Variants in PACS1 observed in about 807,000 individuals in gnomAD.
The protein encoded by PACS1 is phosphofurin acidic cluster sorting protein 1.
Under a neutral mutation model 115.0 loss-of-function variants are expected in PACS1, and 24 were observed. The observed-to-expected ratio is 0.21, with a 90% CI of 0.15 to 0.29. PACS1 has a LOEUF of 0.29. Ranked by LOEUF, PACS1 falls within the 10% of genes least tolerant of loss-of-function variation. The probability of loss-of-function intolerance (pLI) is 1.00; values close to 1 mark genes in which losing one functional copy is unlikely to be tolerated. For missense variants in PACS1, 838 were observed against 1,251.2 expected (o/e 0.67, Z 4.98); for synonymous variants, 453 against 504.5 (o/e 0.90, Z 1.37).
At chr11:66,180,642 C>T (rs752119851) in intron 1 of PACS1, among the ~76,000 whole-genome samples, 19 of 152,118 alleles carry the variant, frequency 1.2e-4, no homozygotes, top group Admixed American at 4.6e-4. Context: ...CGTGCGCCAC[C>T]GCACCCAGCC....
intron 1 of PACS1, among the ~76,000 whole-genome samples, chr11:66,158,567 G>A (rs560333210): frequency 2.0e-5 from 3 of 152,132 alleles, no homozygotes; most frequent in Non-Finnish European, 4.4e-5. Flanking sequence ...TGGGTATGGT[G>A]GGGCACACCC....
intron 1 of PACS1, among the ~76,000 whole-genome samples, chr11:66,146,017 G>C (rs1458822081): frequency 6.6e-6 from 1 of 152,176 alleles, no homozygotes; most frequent in African/African-American, 2.4e-5. Flanking sequence ...AATTACAGTT[G>C]AGAGTTGCTA....
At chr11:66,163,342 C>A (rs1859532850) in intron 1 of PACS1, among the ~76,000 whole-genome samples, 1 of 146,350 alleles carries the variant, frequency 6.8e-6, no homozygotes, top group South Asian at 2.1e-4. Context: ...CAGAGTGAGA[C>A]CCTGTCTCAA....
intron 10 of PACS1, among the ~76,000 whole-genome samples, chr11:66,226,980 A>G (rs1377357409): frequency 1.3e-5 from 2 of 152,230 alleles, no homozygotes; most frequent in Non-Finnish European, 2.9e-5. Context: ...TTACACCTAA[A>G]TGGCTTAACA....
chr11:66,155,603 C>T (rs2134616302), intron 1 of PACS1, among the ~76,000 whole-genome samples: 1 of 152,182 alleles, frequency 6.6e-6, no homozygotes, highest in South Asian at 2.1e-4. Context: ...CAGGTGTTGG[C>T]AAGGATGTGG....
intron 1 of PACS1, among the ~76,000 whole-genome samples, chr11:66,184,030 C>A (rs181802565): frequency 2.0e-5 from 3 of 152,214 alleles, no homozygotes; most frequent in Non-Finnish European, 2.9e-5. Context: ...TCCTACCTCA[C>A]GACCATCATT....
chr11:66,210,698 C>G (rs924665655), intron 3 of PACS1, among the ~76,000 whole-genome samples: 3 of 152,212 alleles, frequency 2.0e-5, no homozygotes, highest in Non-Finnish European at 4.4e-5. Flanking sequence ...TTGGCTAACA[C>G]TGTTAGCCAT....
intron 1 of PACS1, among the ~76,000 whole-genome samples, chr11:66,075,906 T>A (rs527568653): frequency 7.9e-5 from 12 of 152,096 alleles, no homozygotes; most frequent in Admixed American, 6.5e-4. Flanking sequence ...CCCAGCTAAT[T>A]TTTTATATTT....
intron 1 of PACS1, among the ~76,000 whole-genome samples, chr11:66,158,545 G>GA (rs1378317727): frequency 6.6e-6 from 1 of 152,094 alleles, no homozygotes; most frequent in Non-Finnish European, 1.5e-5. Context: ...TACAAAAACA[G>GA]AAAAAACTAA....
At chr11:66,156,444 C>T (rs1248644826) in intron 1 of PACS1, among the ~76,000 whole-genome samples, 1 of 151,302 alleles carries the variant, frequency 6.6e-6, no homozygotes, top group Non-Finnish European at 1.5e-5. Flanking sequence ...GGGGTTTCAC[C>T]ATGTTGGCCA....
intron 1 of PACS1, among the ~76,000 whole-genome samples, chr11:66,186,282 A>G (rs1854370111): frequency 6.6e-6 from 1 of 151,896 alleles, no homozygotes; most frequent in South Asian, 2.1e-4. Flanking sequence ...TCTCTTAAAA[A>G]AAAAAAAAGC....
intron 1 of PACS1, among the ~76,000 whole-genome samples, chr11:66,156,510 G>C (rs1859363730): frequency 6.6e-6 from 1 of 151,852 alleles, no homozygotes; most frequent in South Asian, 2.1e-4. Context: ...CTCTCAAAGT[G>C]CTGGGATTGC....
intron 1 of PACS1, among the ~76,000 whole-genome samples, chr11:66,075,173 G>A (rs1368923412): frequency 6.6e-6 from 1 of 152,062 alleles, no homozygotes; most frequent in African/African-American, 2.4e-5. Context: ...TCGATCTCCT[G>A]AGCTTGTGAT....
At chr11:66,080,597 A>AT (rs36078365) in intron 1 of PACS1, among the ~76,000 whole-genome samples, 1 of 152,122 alleles carries the variant, frequency 6.6e-6, no homozygotes, top group Non-Finnish European at 1.5e-5. Flanking sequence ...AGGTGAAGGC[A>AT]TTTTTTTAAG....
chr11:66,193,014 T>C (rs1854563231), intron 1 of PACS1, among the ~76,000 whole-genome samples: 1 of 152,252 alleles, frequency 6.6e-6, no homozygotes, highest in Non-Finnish European at 1.5e-5. Flanking sequence ...TCTGTACATC[T>C]GTCAGGTGTG....
chr11:66,238,072 A>G, intron 19 of PACS1: 4 of 985,260 alleles, frequency 4.1e-6, no homozygotes, highest in Non-Finnish European at 4.8e-6. Flanking sequence ...CTGGATGCTC[A>G]CCTAGTCTGT....
At position 66,227,500 on chromosome 11, in the gene PACS1, G is replaced by A; in HGVS notation, c.1294-4G>A. The A allele has an allele frequency of 6.4e-7, 1 of 1,562,066 alleles. No individual in the cohort carries two copies. Among genetic ancestry groups the A allele is most frequent in the Non-Finnish European group, 8.8e-7 (1 of 1,135,396 alleles). On this transcript the variant is annotated splice_region_variant and splice_polypyrimidine_tract_variant and intron_variant, in intron 10 of 23. Coordinates refer to ENST00000320580, the MANE Select transcript of PACS1 (RefSeq NM_018026.4). Reference sequence around the variant, plus strand: ...GTGATAACTAATTCTTATAATTTTTGCAGATGGAATTGGCTGCTCTAGAAA... The same window carrying A: ...GTGATAACTAATTCTTATAATTTTTACAGATGGAATTGGCTGCTCTAGAAA...
intron 1 of PACS1, among the ~76,000 whole-genome samples, chr11:66,151,644 T>C (rs1859242708): frequency 6.6e-6 from 1 of 152,180 alleles, no homozygotes; most frequent in Admixed American, 6.5e-5. Context: ...CACAGTAGAA[T>C]CCAGAGTTGC....
intron 1 of PACS1, among the ~76,000 whole-genome samples, chr11:66,159,539 C>A (rs541838985): frequency 6.6e-6 from 1 of 152,304 alleles, no homozygotes; most frequent in South Asian, 2.1e-4. Flanking sequence ...TACATTCCCA[C>A]AAGCTAGGTA....
Sources: allele counts gnomAD v4.1 joint callset (sites outside exome capture counted in the v4.1 genomes callset), GRCh38; gene constraint gnomAD v4.1.1; transcripts MANE v1.5; gene names NCBI Gene and HGNC (gene_info 2026-07-23, HGNC 2026-07-21).